NT5DC3: variants seen among roughly 807,000 people sequenced by gnomAD.
The protein encoded by NT5DC3 is 5'-nucleotidase domain containing 3, also known as 5'-nucleotidase domain-containing protein 3.
NT5DC3 carries 42 observed loss-of-function variants against 67.8 expected under a neutral mutation model. That is an observed-to-expected ratio of 0.62 (90% CI 0.48 to 0.80). The LOEUF (loss-of-function observed/expected upper bound fraction) is 0.80. Ranked by LOEUF, NT5DC3 falls within the 30% of genes least tolerant of loss-of-function variation. The pLI is 0.00. For missense variants in NT5DC3, 570 were observed against 696.4 expected, an observed-to-expected ratio of 0.82 and a Z score of 2.04; for synonymous variants, 237 against 255.6, an observed-to-expected ratio of 0.93 and a Z score of 0.69.
chr12:103,750,281 C>T, the NT5DC3 span, among the ~76,000 whole-genome samples: 1 of 152,248 alleles, frequency 6.6e-6, no homozygotes, highest in South Asian at 2.1e-4. Context: ...ACAAGGAGCC[C>T]TGTGAAGAAC....
Position 103,777,698 on chromosome 12 carries a change from GT to G in NT5DC3, c.*130del. The G allele has an allele frequency of 9.3e-7, 1 of 1,080,070 alleles. No individual in the cohort carries two copies. Among genetic ancestry groups the G allele is most frequent in the Non-Finnish European group, 1.3e-6 (1 of 749,930 alleles). 66.9% of individuals were successfully genotyped at this position (1,080,070 alleles called of 1,614,324 possible). A position where few individuals can be genotyped will look rare whatever the true frequency, so the allele number is the denominator to read the frequency against. On this transcript the variant is annotated 3_prime_UTR_variant, in exon 14 of 14. Transcript: ENST00000392876. ...TTAACCATTGGGAGAATTATTCTCC[GT>G]AAGGTACAAAATAAATATCAAAAGG...
chr12:103,786,443 CAG>C (rs1490567946), intron 11 of NT5DC3, among the ~76,000 whole-genome samples: 1 of 152,136 alleles, frequency 6.6e-6, no homozygotes, highest in Non-Finnish European at 1.5e-5. Flanking sequence ...AGAGACAAAA[CAG>C]GGGGCAGAGG....
chr12:103,765,551 G>A (rs1884880656), downstream of NT5DC3, among the ~76,000 whole-genome samples: 1 of 152,216 alleles, frequency 6.6e-6, no homozygotes, highest in South Asian at 2.1e-4. Context: ...CAGAAGGCTT[G>A]GCATGGCCAC....
the NT5DC3 span, among the ~76,000 whole-genome samples, chr12:103,765,286 C>CT: frequency 1.3e-5 from 2 of 152,104 alleles, no homozygotes; most frequent in Non-Finnish European, 2.9e-5. Flanking sequence ...AAAGATTTAC[C>CT]TGAGGCAGGT....
intron 4 of NT5DC3, among the ~76,000 whole-genome samples, chr12:103,803,364 TG>T (rs1472196750): frequency 6.6e-6 from 1 of 152,176 alleles, no homozygotes; most frequent in Admixed American, 6.5e-5. Context: ...TTAAAATGAA[TG>T]AACAACATTC....
rs765021311 is a variant in NT5DC3, at chr12:103,777,797, G to A, written c.*32C>T. On this transcript the variant is annotated 3_prime_UTR_variant, in exon 14 of 14. Coordinates refer to ENST00000392876, the MANE Select transcript of NT5DC3 (RefSeq NM_001031701.3). ...AACCCCATCATGCCTGCCCAATCAGGGGCAGTTACAGTTTCTAGTTTTTGC... is the reference window on the plus strand; with the variant it reads ...AACCCCATCATGCCTGCCCAATCAGAGGCAGTTACAGTTTCTAGTTTTTGC... 22 of 1,587,190 alleles carry A rather than the reference G, an allele frequency of 1.4e-5. No homozygotes were observed. Among genetic ancestry groups the A allele is most frequent in the Non-Finnish European group, 1.6e-5 (19 of 1,167,846 alleles).
At chr12:103,804,550 AT>A (rs201036464) in intron 4 of NT5DC3, among the ~76,000 whole-genome samples, 244 of 151,430 alleles carry the variant, frequency 1.6e-3, no homozygotes, top group African/African-American at 5.7e-3. Context: ...GGGAGAGTCA[AT>A]TTTTTTTTTA....
chr12:103,800,782 G>T (rs977736150), intron 4 of NT5DC3, among the ~76,000 whole-genome samples: 1 of 152,232 alleles, frequency 6.6e-6, no homozygotes, highest in Admixed American at 6.5e-5. Context: ...GCACAGATCT[G>T]AATGAGTCTG....
At chr12:103,778,373 A>C (rs935324367) in intron 13 of NT5DC3, among the ~76,000 whole-genome samples, 1 of 152,148 alleles carries the variant, frequency 6.6e-6, no homozygotes, top group Admixed American at 6.5e-5. Context: ...TCTATTAAAA[A>C]TACAAAAATT....
the NT5DC3 span, chr12:103,749,190 A>G: frequency 2.6e-6 from 4 of 1,567,378 alleles, no homozygotes; most frequent in South Asian, 2.4e-5. Flanking sequence ...ATTTGGGAGC[A>G]GCGCCGTGGG....
At chr12:103,821,142 T>C (rs1887474196) in intron 1 of NT5DC3, among the ~76,000 whole-genome samples, 1 of 152,252 alleles carries the variant, frequency 6.6e-6, no homozygotes, top group African/African-American at 2.4e-5. Context: ...AAGTGGAGGC[T>C]GGAAGGCTAA....
chr12:103,755,815 C>G, the NT5DC3 span: 1 of 1,131,240 alleles, frequency 8.8e-7, no homozygotes, highest in South Asian at 1.3e-5. Context: ...GCCACAGTCA[C>G]AGTTAAGAGC....
chr12:103,790,808 C>T (rs945498806), intron 9 of NT5DC3, among the ~76,000 whole-genome samples: 1 of 150,266 alleles, frequency 6.7e-6, no homozygotes, highest in East Asian at 2.0e-4. Flanking sequence ...TCCTGCCTCA[C>T]CCTCCCGAGT....
downstream of NT5DC3, chr12:103,771,126 TAC>T (rs1885172386): frequency 6.6e-6 from 1 of 152,262 alleles, no homozygotes; most frequent in Non-Finnish European, 1.5e-5. Flanking sequence ...AGACAGTAAG[TAC>T]AGTCTTACAT....
chr12:103,794,607 C>G (rs7312606), intron 6 of NT5DC3, among the ~76,000 whole-genome samples: 55,758 of 151,896 alleles, frequency 0.37, 11,275 homozygotes, highest in East Asian at 0.88. Flanking sequence ...TAATTTATAT[C>G]CAGTACTGTG....
At chr12:103,798,705 G>A (rs1309528116) in intron 4 of NT5DC3, 28 bp from the exon 5 acceptor site, 1 of 1,490,258 alleles carries the variant, frequency 6.7e-7, no homozygotes, top group South Asian at 1.1e-5. Context: ...TGCAGTTAAA[G>A]AGCTCAACTA....
chr12:103,835,335 G>T (rs1366603157), intron 1 of NT5DC3, among the ~76,000 whole-genome samples: 3 of 152,270 alleles, frequency 2.0e-5, no homozygotes, highest in African/African-American at 7.2e-5. Flanking sequence ...ACATTCTCAG[G>T]GGTAATAGGG....
chr12:103,816,798 A>T (rs1264403465), intron 1 of NT5DC3, among the ~76,000 whole-genome samples: 1 of 152,184 alleles, frequency 6.6e-6, no homozygotes, highest in African/African-American at 2.4e-5. Context: ...AAAAGACTAA[A>T]TTAAGAAAGC....
At chr12:103,757,237 C>T in the NT5DC3 span, among the ~76,000 whole-genome samples, 5 of 151,536 alleles carry the variant, frequency 3.3e-5, no homozygotes. Flanking sequence ...TACAGGCACA[C>T]ACCACCACAC....
Sources: gnomAD v4.1 joint callset for allele counts (sites outside exome capture counted in the v4.1 genomes callset) on GRCh38, gnomAD v4.1.1 for gene constraint, MANE v1.5 for transcripts, NCBI Gene and HGNC (gene_info 2026-07-23, HGNC 2026-07-21) for gene names.